Variants in UMAD1 observed in about 807,000 individuals in gnomAD.
UMAD1 encodes UBAP1-MVB12-associated (UMA)-domain containing protein 1.
In UMAD1, 8 loss-of-function variants were observed where a neutral mutation model predicts 6.1. The observed-to-expected ratio is 1.30, with a 90% CI of 0.76 to 2.35. The LOEUF (loss-of-function observed/expected upper bound fraction) is 2.35. Ranked by LOEUF, UMAD1 falls within the 30% of genes most tolerant of loss-of-function variation. The pLI, the probability that UMAD1 is intolerant of heterozygous loss-of-function variation, is 0.00. For synonymous variants in UMAD1, 56 were observed against 31.4 expected, an observed-to-expected ratio of 1.78 and a Z score of -2.61; for missense variants, 130 against 78.4, an observed-to-expected ratio of 1.66 and a Z score of -2.49.
At chr7:7,647,524 C>G (rs1785123537) in intron 1 of UMAD1, among the ~76,000 whole-genome samples, 1 of 152,192 alleles carries the variant, frequency 6.6e-6, no homozygotes, top group African/African-American at 2.4e-5. Flanking sequence ...TGCTTAATAT[C>G]TCAATTATCG....
rs139209446 is a variant in UMAD1, at chr7:7,840,765, G to T, written c.157-36516G>T. On this transcript the variant is annotated intron_variant, in intron 3 of 3. Transcript: ENST00000682710. Reference sequence around the variant, plus strand: ...GTTTTATCAAAGGTTCTTCACAGAAGGTTAAAAAGCACTAGTTTTAGATGA... The same window carrying T: ...GTTTTATCAAAGGTTCTTCACAGAATGTTAAAAAGCACTAGTTTTAGATGA... Among the ~76,000 whole-genome samples the T allele has an allele frequency of 5.5e-4, 84 of 152,268 alleles. 2 individuals are homozygous for T. In the East Asian group the frequency reaches 9.8e-3, roughly 18 times the overall value.
At chr7:7,660,742 T>C (rs2115089634) in intron 1 of UMAD1, among the ~76,000 whole-genome samples, 1 of 152,350 alleles carries the variant, frequency 6.6e-6, no homozygotes, top group South Asian at 2.1e-4. Flanking sequence ...CATTTTTTCC[T>C]TCATTTCAAC....
chr7:7,780,111 T>C (rs918584232), intron 2 of UMAD1, among the ~76,000 whole-genome samples: 2 of 152,376 alleles, frequency 1.3e-5, no homozygotes, highest in South Asian at 4.1e-4. Flanking sequence ...TTCCTGTACA[T>C]TTCCCTCTCT....
intron 2 of UMAD1, among the ~76,000 whole-genome samples, chr7:7,757,229 C>T (rs1248318487): frequency 6.6e-6 from 1 of 152,104 alleles, no homozygotes. Context: ...TTCAAGACTC[C>T]CTGATCCTTT....
Position 7,877,154 on chromosome 7 carries a change from C to T in UMAD1, c.157-127C>T, listed in dbSNP as rs753906159. On this transcript the variant is annotated intron_variant, in intron 3 of 3. Transcript: ENST00000682710. ...AATTCTAAAGTAAAGTAAAGAGCTG[C>T]GTTCAAATCTGGGAATATTTATATA... 112 of 605,882 alleles carry T rather than the reference C, an allele frequency of 1.8e-4. 1 individual carries two copies. The highest frequency in any genetic ancestry group is 2.9e-4 in the Admixed American group (10 of 34,788). The allele number at this position is 605,882 out of a possible 1,614,324, so 37.5% of individuals were successfully genotyped here. A position where few individuals can be genotyped will look rare whatever the true frequency, so the allele number is the denominator to read the frequency against.
intron 2 of UMAD1, chr7:7,740,699 C>A (rs1781446290): frequency 6.6e-6 from 1 of 152,210 alleles, no homozygotes; most frequent in South Asian, 2.1e-4. Context: ...ATACAGCAAT[C>A]AATGATTTTG....
chr7:7,847,099 AAAAAAATATATAT>A lies in UMAD1; in HGVS notation c.157-30180_157-30168del, dbSNP rs1462140926. 2.1e-3 allele frequency among the ~76,000 whole-genome samples: 95 copies of A among 44,546 alleles called. 5 individuals are homozygous for A. Among genetic ancestry groups the A allele is most frequent in the Middle Eastern group, 0.015 (2 of 132 alleles). The allele number at this position is 44,546 out of a possible 152,430, so 29.2% of individuals were successfully genotyped here. The stretch of plus-strand genomic sequence containing the variant: ...AAAGACAGCAATGCAAAAAAAAAAA[AAAAAAATATATAT>A]ATATATATATATATATATATATATA... On this transcript the variant is annotated intron_variant, in intron 3 of 3. Coordinates refer to ENST00000682710, the MANE Select transcript of UMAD1 (RefSeq NM_001302348.2).
chr7:7,689,407 T>A (rs1005853760), intron 2 of UMAD1: 5 of 152,190 alleles, frequency 3.3e-5, no homozygotes, highest in African/African-American at 1.2e-4. Context: ...ATGATGACAT[T>A]GTTGAACTGA....
chr7:7,815,054 G>A (rs1346790135), intron 3 of UMAD1, among the ~76,000 whole-genome samples: 1 of 152,140 alleles, frequency 6.6e-6, no homozygotes, highest in Non-Finnish European at 1.5e-5. Flanking sequence ...TGGCTTACCA[G>A]TTGGATTTTT....
intron 2 of UMAD1, among the ~76,000 whole-genome samples, chr7:7,706,191 T>C (rs1047225457): frequency 1.3e-5 from 2 of 152,136 alleles, no homozygotes; most frequent in African/African-American, 4.8e-5. Context: ...AGTGAAAATA[T>C]GTGAAGTCCA....
At chr7:7,814,068 C>T (rs1397966326) in intron 3 of UMAD1, among the ~76,000 whole-genome samples, 1 of 151,988 alleles carries the variant, frequency 6.6e-6, no homozygotes, top group Non-Finnish European at 1.5e-5. Flanking sequence ...ACTGCAACTT[C>T]CGCCTCCCAG....
chr7:7,877,646 C>A lies in UMAD1; in HGVS notation c.*108C>A. ...ACTGTTTAAGGTCCTCAGCAAGGAT[C>A]ATAAAGCAAAGAAAATAGCATTATG... On this transcript the variant is annotated 3_prime_UTR_variant, in exon 4 of 4. Transcript: ENST00000682710. The A allele has an allele frequency of 1.6e-6, 1 of 621,104 alleles. No individual in the cohort carries two copies. 38.5% of individuals were successfully genotyped at this position (621,104 alleles called of 1,614,324 possible).
intron 3 of UMAD1, among the ~76,000 whole-genome samples, chr7:7,836,945 C>T (rs544121699): frequency 4.3e-5 from 6 of 138,430 alleles, no homozygotes; most frequent in Non-Finnish European, 9.7e-5. Flanking sequence ...TAGGAATTTT[C>T]CAAAACTATT....
At chr7:7,742,082 C>T (rs969030146) in intron 2 of UMAD1, 24 of 572,466 alleles carry the variant, frequency 4.2e-5, no homozygotes, top group Non-Finnish European at 2.0e-5. Context: ...GTTTAGTAAA[C>T]GCTTGTTGAT....
intron 3 of UMAD1, among the ~76,000 whole-genome samples, chr7:7,875,360 A>G (rs1784397447): frequency 6.6e-6 from 1 of 152,248 alleles, no homozygotes; most frequent in African/African-American, 2.4e-5. Context: ...CGAAGGAGAT[A>G]GAGACATGAA....
At chr7:7,846,247 T>G (rs1376328255) in intron 3 of UMAD1, among the ~76,000 whole-genome samples, 1 of 152,206 alleles carries the variant, frequency 6.6e-6, no homozygotes, top group African/African-American at 2.4e-5. Context: ...CCATAATATC[T>G]CATAGTGTCC....
intron 1 of UMAD1, among the ~76,000 whole-genome samples, chr7:7,667,227 G>A (rs1433661134): frequency 6.6e-6 from 1 of 152,144 alleles, no homozygotes; most frequent in Non-Finnish European, 1.5e-5. Context: ...GCTAATAATG[G>A]GTTTTTGAGA....
intron 3 of UMAD1, among the ~76,000 whole-genome samples, chr7:7,841,535 C>A (rs956123313): frequency 2.0e-5 from 3 of 152,064 alleles, no homozygotes; most frequent in Admixed American, 6.6e-5. Flanking sequence ...AACTCCTGGG[C>A]TCAAGTGATC....
intron 2 of UMAD1, chr7:7,741,198 T>A (rs4725019): frequency 6.6e-6 from 1 of 151,962 alleles, no homozygotes; most frequent in Non-Finnish European, 1.5e-5. Context: ...AGTAAGTCTT[T>A]ATAAAGTTTC....
Sources: allele counts gnomAD v4.1 joint callset (sites outside exome capture counted in the v4.1 genomes callset), GRCh38; gene constraint gnomAD v4.1.1; transcripts MANE v1.5; gene names NCBI Gene and HGNC (gene_info 2026-07-23, HGNC 2026-07-21).